The following GALNT17 variants were observed in gnomAD, a reference collection of about 807,000 sequenced individuals.
GALNT17 encodes polypeptide N-acetylgalactosaminyltransferase 17, also known as UDP-GalNAc:polypeptide N-acetylgalactosaminyltransferase-like 3.
A neutral mutation model predicts 63.7 loss-of-function variants in GALNT17; 29 were observed. The observed-to-expected ratio is 0.46, with a 90% CI of 0.34 to 0.62. GALNT17 has a LOEUF of 0.62. Ranked by LOEUF, GALNT17 falls within the 20% of genes least tolerant of loss-of-function variation. The probability of loss-of-function intolerance (pLI) is 0.01; values close to 1 mark genes in which losing one functional copy is unlikely to be tolerated. For missense variants in GALNT17, 603 were observed against 799.6 expected (o/e 0.75, Z 2.97); for synonymous variants, 305 against 318.3 (o/e 0.96, Z 0.45).
intron 5 of GALNT17, among the ~76,000 whole-genome samples, chr7:71,498,026 C>G (rs1429907666): frequency 1.3e-5 from 2 of 152,270 alleles, no homozygotes; most frequent in East Asian, 1.9e-4. Flanking sequence ...TGGGATCATG[C>G]CTTTTCTCTG....
intron 5 of GALNT17, among the ~76,000 whole-genome samples, chr7:71,526,394 G>A (rs912612768): frequency 1.3e-5 from 2 of 151,516 alleles, no homozygotes; most frequent in East Asian, 3.8e-4. Flanking sequence ...ACTGAAATGC[G>A]AAATATATTC....
At chr7:71,575,305 A>T (rs1246766496) in intron 6 of GALNT17, among the ~76,000 whole-genome samples, 1 of 152,184 alleles carries the variant, frequency 6.6e-6, no homozygotes, top group Non-Finnish European at 1.5e-5. Flanking sequence ...ATACATTTAC[A>T]TATACAAGCT....
chr7:71,445,281 C>T (rs553595496), intron 5 of GALNT17, among the ~76,000 whole-genome samples: 19 of 150,906 alleles, frequency 1.3e-4, no homozygotes, highest in African/African-American at 3.4e-4. Context: ...CAGGTTCAAG[C>T]GATTCTCCTG....
chr7:71,492,759 GT>G (rs756491189), intron 5 of GALNT17, among the ~76,000 whole-genome samples: 3 of 152,178 alleles, frequency 2.0e-5, no homozygotes, highest in African/African-American at 4.8e-5. Context: ...ACAATAGAGT[GT>G]TTGACGTATC....
chr7:71,639,473 G>A (rs549478671), intron 6 of GALNT17, among the ~76,000 whole-genome samples: 1 of 152,270 alleles, frequency 6.6e-6, no homozygotes, highest in South Asian at 2.1e-4. Context: ...ATCCTCTTTG[G>A]CTGGTGTCTC....
intron 1 of GALNT17, among the ~76,000 whole-genome samples, chr7:71,253,229 A>G (rs943232599): frequency 2.0e-5 from 3 of 152,190 alleles, no homozygotes; most frequent in Non-Finnish European, 4.4e-5. Context: ...GGTTTAATGG[A>G]CTCACAGTTC....
chr7:71,215,320 T>C (rs1475792124), intron 1 of GALNT17, among the ~76,000 whole-genome samples: 1 of 152,150 alleles, frequency 6.6e-6, no homozygotes, highest in Non-Finnish European at 1.5e-5. Flanking sequence ...TTCTGTTTAT[T>C]GATATTCTTA....
intron 5 of GALNT17, among the ~76,000 whole-genome samples, chr7:71,499,715 C>T (rs541035169): frequency 2.0e-5 from 3 of 152,196 alleles, no homozygotes; most frequent in African/African-American, 7.2e-5. Flanking sequence ...CCTGCTCCTC[C>T]GGAGCCATTT....
In GALNT17 at chr7:71,712,058, A is replaced by T; in HGVS notation, c.1709A>T (p.Glu570Val). Residue 570 changes from glutamate (E) to valine (V), a missense_variant, in exon 11 of 11, where the codon GAG becomes GTG. Coordinates refer to ENST00000333538, the MANE Select transcript of GALNT17 (RefSeq NM_022479.3). The part of the protein sequence containing the change: ...IMNKGTGRCL[E>V]VENRGLAGID... ...AACAAGGGCACGGGACGCTGCCTGG[A>T]GGTGGAGAACCGGGGCCTGGCTGGC... The T allele has an allele frequency of 6.2e-7, 1 of 1,613,970 alleles. No homozygotes were observed.
intron 9 of GALNT17, among the ~76,000 whole-genome samples, chr7:71,703,158 A>T (rs776209324): frequency 1.3e-5 from 2 of 152,262 alleles, no homozygotes; most frequent in Non-Finnish European, 2.9e-5. Context: ...TGTACTCAGC[A>T]CAGCGCCTGG....
intron 5 of GALNT17, among the ~76,000 whole-genome samples, chr7:71,471,896 C>A (rs1305028474): frequency 6.6e-6 from 1 of 151,374 alleles, no homozygotes; most frequent in African/African-American, 2.4e-5. Flanking sequence ...GTACATTATC[C>A]TGTCTGCCCT....
At chr7:71,692,291 T>C (rs1791458837) in intron 9 of GALNT17, among the ~76,000 whole-genome samples, 1 of 152,162 alleles carries the variant, frequency 6.6e-6, no homozygotes, top group South Asian at 2.1e-4. Flanking sequence ...AAATCATCCA[T>C]GGTCCTGCCA....
intron 5 of GALNT17, among the ~76,000 whole-genome samples, chr7:71,421,582 C>CG (rs1786666092): frequency 6.6e-6 from 1 of 151,946 alleles, no homozygotes; most frequent in African/African-American, 2.4e-5. Flanking sequence ...GCTCTTGCCC[C>CG]GGGTCCCACC....
intron 6 of GALNT17, among the ~76,000 whole-genome samples, chr7:71,634,097 C>T (rs927210655): frequency 5.3e-5 from 8 of 152,156 alleles, no homozygotes; most frequent in Non-Finnish European, 1.2e-4. Context: ...ACATTGTATT[C>T]GACAGGTAAT....
At chr7:71,616,746 ATAT>A (rs1368009358) in intron 6 of GALNT17, among the ~76,000 whole-genome samples, 1 of 95,286 alleles carries the variant, frequency 1.0e-5, no homozygotes, top group Non-Finnish European at 2.2e-5. Context: ...TTTACATTAT[ATAT>A]TATATTTATA....
At chr7:71,569,556 T>A (rs1009432177) in intron 5 of GALNT17, among the ~76,000 whole-genome samples, 7 of 152,164 alleles carry the variant, frequency 4.6e-5, no homozygotes, top group African/African-American at 1.7e-4. Context: ...TGCATTAATT[T>A]GTTTGTTAGC....
At chr7:71,521,117 G>T (rs532696730) in intron 5 of GALNT17, among the ~76,000 whole-genome samples, 1 of 152,210 alleles carries the variant, frequency 6.6e-6, no homozygotes, top group Non-Finnish European at 1.5e-5. Flanking sequence ...CATTGAACAC[G>T]TGTGTGCACA....
intron 5 of GALNT17, among the ~76,000 whole-genome samples, chr7:71,469,465 A>T (rs1447989387): frequency 6.6e-6 from 1 of 152,256 alleles, no homozygotes. Flanking sequence ...GAATAGGTTC[A>T]GAGAGACTCT....
intron 1 of GALNT17, among the ~76,000 whole-genome samples, chr7:71,166,387 G>A (rs1023210306): frequency 6.6e-6 from 1 of 152,120 alleles, no homozygotes; most frequent in African/African-American, 2.4e-5. Flanking sequence ...CGTTTAAAGG[G>A]TACAATTTGA....
Sources: allele counts gnomAD v4.1 joint callset (sites outside exome capture counted in the v4.1 genomes callset), GRCh38; gene constraint gnomAD v4.1.1; transcripts MANE v1.5; gene names NCBI Gene and HGNC (gene_info 2026-07-23, HGNC 2026-07-21).